The following IPO4 variants were observed in gnomAD, a reference collection of about 807,000 sequenced individuals.
IPO4 encodes the protein importin 4.
A neutral mutation model predicts 133.5 loss-of-function variants in IPO4; 91 were observed. The observed-to-expected ratio is 0.68, with a 90% CI of 0.58 to 0.81. IPO4 has a LOEUF of 0.81. Ranked by LOEUF, IPO4 falls within the 30% of genes least tolerant of loss-of-function variation. The pLI, the probability that IPO4 is intolerant of heterozygous loss-of-function variation, is 0.00. For synonymous variants in IPO4, 607 were observed against 581.6 expected (o/e 1.04, Z -0.63); for missense variants, 1,279 against 1,386.2 (o/e 0.92, Z 1.23).
intron 27 of IPO4, 26 bp from the exon 28 acceptor site, chr14:24,181,643 A>C: frequency 6.2e-7 from 1 of 1,613,858 alleles, no homozygotes; most frequent in Non-Finnish European, 8.5e-7. Flanking sequence ...TCTCAGGCCA[A>C]CCTGCCCTGC....
At position 24,182,050 on chromosome 14, in the gene IPO4, C is replaced by T; in HGVS notation, c.2712G>A (p.Leu904=). ...GGTCTGCCTCTTGGGCGGTGCTCAA[C>T]AGCACAGGGAGCAGCCGAGACACAA... The part of the protein sequence containing the change: ...AQFVSRLLPV[L]LSTAQEADPE... Residue 904 remains leucine (L), a synonymous_variant, in exon 26 of 30, where the codon CTG becomes CTA. Coordinates refer to ENST00000354464, the MANE Select transcript of IPO4 (RefSeq NM_024658.4). 1 of 1,613,720 alleles carries T rather than the reference C, an allele frequency of 6.2e-7. No homozygotes were observed. The highest frequency in any genetic ancestry group is 8.5e-7 in the Non-Finnish European group (1 of 1,180,038).
Position 24,188,421 on chromosome 14 carries a change from G to A in IPO4, c.159C>T (p.Ile53=), listed in dbSNP as rs1463042612. The change falls in exon 3 of 30, where the codon ATC becomes ATT. Residue 53 remains isoleucine (I), a splice_region_variant and synonymous_variant. Coordinates refer to ENST00000354464, the MANE Select transcript of IPO4 (RefSeq NM_024658.4). The part of the protein sequence containing the change: ...DLLASAADPQ[I]RQFAAVLTRR... The stretch of plus-strand genomic sequence containing the variant: ...GGGTCAGCACGGCCGCAAACTGGCG[G>A]ATCTAGGACGAGGAAGCAAGCACGT... The A allele has an allele frequency of 1.2e-6, 2 of 1,611,100 alleles. No homozygotes were observed. Among genetic ancestry groups the A allele is most frequent in the East Asian group, 2.2e-5 (1 of 44,880 alleles).
chr14:24,183,491 C>T lies in IPO4; in HGVS notation c.2086G>A (p.Glu696Lys), dbSNP rs1196344877. ...TTAAATACTTCTTCAAAGACACTTT[C>T]CATGTATGGAAGGAAGGCCACACTA... ...NTSVAFLPYM[E>K]SVFEEVFKLL... The change falls in exon 21 of 30, where the codon GAA (glutamate) becomes AAA (lysine). Residue 696 changes from glutamate to lysine, a missense_variant. By Grantham distance (56) the Glu-to-Lys change is moderately conservative. This residue lies in a region of IPO4 where 575 missense variants were observed against 653.4 expected (regional missense o/e 0.88). Coordinates refer to ENST00000354464, the MANE Select transcript of IPO4 (RefSeq NM_024658.4). The T allele has an allele frequency of 1.2e-6, 2 of 1,613,660 alleles. No individual in the cohort carries two copies. Among genetic ancestry groups the T allele is most frequent in the Admixed American group, 1.7e-5 (1 of 59,956 alleles).
chr14:24,182,291 A>G lies in IPO4; in HGVS notation c.2585T>C (p.Leu862Ser). Residue 862 changes from leucine (L) to serine (S), a missense_variant, in exon 25 of 30, where the codon TTG becomes TCG. By Grantham distance (145) the Leu-to-Ser change is moderately radical. This residue lies in a region of IPO4 where 575 missense variants were observed against 653.4 expected (regional missense o/e 0.88). Transcript: ENST00000354464. ...ATGGACACTCACTGTCTTGCACACCAATAATGGCAGGAAACCGGCAAAGAA... is the reference window on the plus strand; with the variant it reads ...ATGGACACTCACTGTCTTGCACACCGATAATGGCAGGAAACCGGCAAAGAA... ...APFFAGFLPL[L>S]VCKTKQGCTV... 1 of 1,614,152 alleles carries G rather than the reference A, an allele frequency of 6.2e-7. No individual in the cohort carries two copies. Among genetic ancestry groups the G allele is most frequent in the Non-Finnish European group, 8.5e-7 (1 of 1,180,000 alleles).
At chr14:24,185,694 C>A (rs985606999) in intron 12 of IPO4, 127 bp from the exon 13 acceptor site, 3 of 985,122 alleles carry the variant, frequency 3.0e-6, no homozygotes, top group Non-Finnish European at 1.6e-6. Context: ...GGCAGCAGCC[C>A]CTGGTCCCTA....
intron 13 of IPO4, 44 bp from the exon 14 acceptor site, chr14:24,185,356 G>C: frequency 6.2e-7 from 1 of 1,613,502 alleles, no homozygotes; most frequent in Non-Finnish European, 8.5e-7. Flanking sequence ...TTCACCTGCC[G>C]GGCACACACA....
Position 24,184,975 on chromosome 14 carries a change from T to C in IPO4, c.1414A>G (p.Lys472Glu), listed in dbSNP as rs2039198404. ...LENFVENLGPKVQPYLPELME... is the reference protein window; with the variant it reads ...LENFVENLGPEVQPYLPELME... The stretch of plus-strand genomic sequence containing the variant: ...AGCTCCGGAAGGTAGGGCTGCACCT[T>C]GGGCCCTGTGGGAAAGGATGCTCCT... The change falls in exon 15 of 30, where the codon AAG (lysine) becomes GAG (glutamate). Residue 472 changes from lysine to glutamate, a missense_variant. Lys to Glu is a moderately conservative substitution (Grantham distance 56). Around this residue, in one of 3 missense-constraint regions of IPO4, gnomAD observed 695 missense variants for 704.1 expected, o/e 0.99. Coordinates refer to ENST00000354464, the MANE Select transcript of IPO4 (RefSeq NM_024658.4). The C allele has an allele frequency of 1.9e-6, 3 of 1,613,230 alleles. No homozygotes were observed. The South Asian group carries it at 3.3e-5, about 18-fold the overall frequency.
In IPO4 at chr14:24,183,497, A is replaced by G. The variant is rs1223138899; in HGVS notation, c.2080T>C (p.Tyr694His). The G allele has an allele frequency of 6.2e-7, 1 of 1,613,942 alleles. No individual in the cohort carries two copies. Among genetic ancestry groups the G allele is most frequent in the Admixed American group, 1.7e-5 (1 of 59,974 alleles). ...SVNTSVAFLP[Y>H]MESVFEEVFK... ...ACTTCTTCAAAGACACTTTCCATGT[A>G]TGGAAGGAAGGCCACACTACAGAGA... The change falls in exon 21 of 30, where the codon TAC becomes CAC. Residue 694 changes from tyrosine (Y) to histidine (H), a missense_variant. Coordinates refer to ENST00000354464, the MANE Select transcript of IPO4 (RefSeq NM_024658.4).
At position 24,187,419 on chromosome 14, in the gene IPO4, T is replaced by C. The variant is rs1208847651; in HGVS notation, c.569A>G (p.Tyr190Cys). The change falls in exon 6 of 30, where the codon TAC becomes TGC. Residue 190 changes from tyrosine to cysteine, a missense_variant. Coordinates refer to ENST00000354464, the MANE Select transcript of IPO4 (RefSeq NM_024658.4). ...SLRTLTTMAPYLSTEDVPLAR... is the reference protein window; with the variant it reads ...SLRTLTTMAPCLSTEDVPLAR... ...TCTCACCACATCTTCAGTGCTGAGG[T>C]AGGGAGCCATGGTGGTCAGAGTGCG... 7 of 1,613,838 alleles carry C rather than the reference T, an allele frequency of 4.3e-6. 1 individual carries two copies. In the East Asian group the frequency reaches 1.6e-4, roughly 36 times the overall value.
chr14:24,183,884 C>G lies in IPO4; in HGVS notation c.1884G>C (p.Gly628=). The change falls in exon 19 of 30, where the codon GGG becomes GGC. Residue 628 remains glycine (G), a synonymous_variant. Transcript: ENST00000354464. ...STEGIVPQYD[G]SSSFLLFDDE... ...CGTCAAACAGAAGGAAGGAGCTGCT[C>G]CCGTCATACTGAGGCTGGAGCGGAG... 1 of 1,614,044 alleles carries G rather than the reference C, an allele frequency of 6.2e-7. No individual in the cohort carries two copies. Among genetic ancestry groups the G allele is most frequent in the Non-Finnish European group, 8.5e-7 (1 of 1,180,026 alleles).
chr14:24,182,803 C>A lies in IPO4; in HGVS notation c.2461G>T (p.Asp821Tyr). The A allele has an allele frequency of 6.2e-7, 1 of 1,614,224 alleles. No homozygotes were observed. Among genetic ancestry groups the A allele is most frequent in the Non-Finnish European group, 8.5e-7 (1 of 1,180,022 alleles). ...TCCCTGGCTCTCACCTGATCATCAT[C>A]TTCCTCTTCCTCCTCCTCGTCAGTA... ...QDTDEEEEEE[D>Y]DDQAEYDAML... Residue 821 changes from aspartate to tyrosine, a missense_variant, in exon 24 of 30, where the codon GAT (aspartate) becomes TAT (tyrosine). Transcript: ENST00000354464.
In IPO4 at chr14:24,186,699, C is replaced by T. The variant is rs200883650; in HGVS notation, c.840+9G>A. On this transcript the variant is annotated intron_variant, in intron 9 of 29. Transcript: ENST00000354464. ...GTGGGGTGATGTGTGTCAATGGGCA[C>T]TCACTTACCTTGCTCTTGACTTTGA... is the stretch of plus-strand genomic sequence containing the variant. 1 of 1,612,356 alleles carries T rather than the reference C, an allele frequency of 6.2e-7. No homozygotes were observed. The highest frequency in any genetic ancestry group is 1.7e-5 in the Admixed American group (1 of 60,000).
chr14:24,183,716 ATCCAGCACTAG>A (rs2039176239), intron 19 of IPO4, 49 bp from the exon 20 acceptor site: 1 of 1,614,168 alleles, frequency 6.2e-7, no homozygotes, highest in Non-Finnish European at 8.5e-7. Context: ...AGAGGAGCAG[ATCCAGCACTAG>A]GCCCTTGTCT....
rs1426242676 is a variant in IPO4, at chr14:24,187,772, G to C, written c.303C>G (p.Ala101=). The part of the protein sequence containing the change: ...ETEHCVSLSL[A]QLSATIFRKE... The stretch of plus-strand genomic sequence containing the variant: ...TTCGAAAAATGGTGGCTGAGAGCTG[G>C]GCCAGGCTGAGGCTCACACAGTGCC... The change falls in exon 5 of 30, where the codon GCC becomes GCG. Residue 101 remains alanine, a synonymous_variant. Coordinates refer to ENST00000354464, the MANE Select transcript of IPO4 (RefSeq NM_024658.4). The C allele has an allele frequency of 1.2e-6, 2 of 1,614,142 alleles. No individual in the cohort carries two copies. Among genetic ancestry groups the C allele is most frequent in the East Asian group, 4.5e-5 (2 of 44,882 alleles).
rs1034465028 is a variant in IPO4, at chr14:24,180,436, T to C, written c.*6A>G. On this transcript the variant is annotated 3_prime_UTR_variant, in exon 30 of 30. Transcript: ENST00000354464. Reference sequence around the variant, plus strand: ...TATTCTCTCTGGACTGGCTGCAGCCTGCAGTCTAGGAGAGGCCCAGTACAG... The same window carrying C: ...TATTCTCTCTGGACTGGCTGCAGCCCGCAGTCTAGGAGAGGCCCAGTACAG... 1.9e-6 allele frequency: 3 copies of C among 1,603,922 alleles called. No individual in the cohort carries two copies. Among genetic ancestry groups the C allele is most frequent in the African/African-American group, 1.3e-5 (1 of 74,842 alleles).
intron 4 of IPO4, 94 bp downstream of exon 4, chr14:24,188,122 T>C (rs1594445070): frequency 7.6e-7 from 1 of 1,311,488 alleles, no homozygotes; most frequent in South Asian, 1.3e-5. Context: ...AGAACTGAAG[T>C]CCCTGCCCCA....
rs374701073 is a variant in IPO4 at position 24,186,717 on chromosome 14, G to A, written c.831C>T (p.Val277=). 6 of 1,613,904 alleles carry A rather than the reference G, an allele frequency of 3.7e-6. No individual in the cohort carries two copies. The African/African-American group carries it at 4.0e-5, about 11-fold the overall frequency. ...ILCCLTFLVK[V]KSKALLKNRL... is the part of the protein sequence containing the mutation. ...ATGGGCACTCACTTACCTTGCTCTT[G>A]ACTTTGACCAAGAAAGTGAGGCAGC... Residue 277 remains valine, a synonymous_variant, in exon 9 of 30, where the codon GTC becomes GTT. Transcript: ENST00000354464.
At chr14:24,180,628 C>G (rs2039118625) in intron 29 of IPO4, 56 bp from the exon 30 acceptor site, 1 of 1,612,304 alleles carries the variant, frequency 6.2e-7, no homozygotes, top group Non-Finnish European at 8.5e-7. Flanking sequence ...CTGCCCCAGG[C>G]TCTCTGAGCC....
intron 28 of IPO4, among the ~76,000 whole-genome samples, chr14:24,181,208 C>T (rs926010829): frequency 3.9e-5 from 6 of 152,154 alleles, no homozygotes; most frequent in Non-Finnish European, 5.9e-5. Context: ...GAAAGGGCCC[C>T]GGTTTAGGAA....
Sources: allele counts gnomAD v4.1 joint callset (sites outside exome capture counted in the v4.1 genomes callset), GRCh38; gene constraint gnomAD v4.1.1; regional missense constraint gnomAD v4.1.1; transcripts MANE v1.5; gene names NCBI Gene and HGNC (gene_info 2026-07-23, HGNC 2026-07-21).